The following NCALD variants were observed in gnomAD, a reference collection of about 807,000 sequenced individuals.
NCALD encodes neurocalcin delta, also known as neurocalcin-delta.
NCALD carries 10 observed loss-of-function variants against 18.6 expected under a neutral mutation model. That is an observed-to-expected ratio of 0.54 (90% CI 0.33 to 0.91). The LOEUF is 0.91. NCALD is among the 40% of genes least tolerant of loss of function. The pLI, the probability that NCALD is intolerant of heterozygous loss-of-function variation, is 0.03. For synonymous variants in NCALD, 88 were observed against 87.4 expected (o/e 1.01, Z -0.04); for missense variants, 184 against 247.6 (o/e 0.74, Z 1.72).
At chr8:101,841,915 C>T (rs112672459) in intron 4 of NCALD, among the ~76,000 whole-genome samples, 9 of 152,174 alleles carry the variant, frequency 5.9e-5, no homozygotes, top group East Asian at 3.9e-4. Flanking sequence ...AGAAAGAATA[C>T]GGGGGAAATG....
chr8:101,986,407 G>C (rs1820814134), intron 2 of NCALD: 1 of 152,194 alleles, frequency 6.6e-6, no homozygotes, highest in South Asian at 2.1e-4. Context: ...ACATGCCTTG[G>C]CTATTCCCAC....
chr8:101,787,750 C>T (rs1812285304), intron 1 of NCALD, among the ~76,000 whole-genome samples: 1 of 152,198 alleles, frequency 6.6e-6, no homozygotes, highest in South Asian at 2.1e-4. Context: ...TAATTTCAAA[C>T]ATGCCTCATC....
chr8:101,715,082 C>T (rs914354928), intron 2 of NCALD, among the ~76,000 whole-genome samples: 13 of 151,730 alleles, frequency 8.6e-5, no homozygotes, highest in African/African-American at 2.4e-4. Flanking sequence ...GTAACCAAAA[C>T]GGCATGGTAC....
At chr8:101,937,345 C>G (rs1253497528) in intron 2 of NCALD, among the ~76,000 whole-genome samples, 1 of 152,166 alleles carries the variant, frequency 6.6e-6, no homozygotes, top group East Asian at 1.9e-4. Flanking sequence ...TCCTCCCACC[C>G]TCCACCCTCA....
At chr8:101,697,476 G>C (rs940250355) in intron 2 of NCALD, among the ~76,000 whole-genome samples, 12 of 152,066 alleles carry the variant, frequency 7.9e-5, no homozygotes, top group Non-Finnish European at 1.5e-4. Flanking sequence ...ACCAATGCCT[G>C]GCAGAGACAC....
intron 4 of NCALD, among the ~76,000 whole-genome samples, chr8:101,821,773 ATACGT>A (rs1813725430): frequency 6.6e-6 from 1 of 151,136 alleles, no homozygotes; most frequent in Non-Finnish European, 1.5e-5. Flanking sequence ...CCACTGGAGT[ATACGT>A]TGTTTCTTTG....
chr8:101,938,106 A>C (rs13272417), intron 2 of NCALD, among the ~76,000 whole-genome samples: 17,555 of 152,216 alleles, frequency 0.12, 1,095 homozygotes, highest in Middle Eastern at 0.19. Context: ...CTTTCCAAAA[A>C]TTCCGATAAA....
At chr8:101,822,633 C>T (rs1813767944) in intron 4 of NCALD, among the ~76,000 whole-genome samples, 1 of 152,200 alleles carries the variant, frequency 6.6e-6, no homozygotes, top group Non-Finnish European at 1.5e-5. Context: ...GTTCTGGGCT[C>T]CTGTGGTGCT....
At chr8:102,040,910 CGA>C (rs1420458157) in intron 1 of NCALD, among the ~76,000 whole-genome samples, 2 of 152,080 alleles carry the variant, frequency 1.3e-5, no homozygotes, top group Admixed American at 1.3e-4. Context: ...GTCTGATGGG[CGA>C]GTTTTGGTTT....
At chr8:101,691,667 A>G (rs1043631241) in intron 3 of NCALD, 1 of 985,396 alleles carries the variant, frequency 1.0e-6, no homozygotes. Flanking sequence ...GGGACATAGG[A>G]TGTTTCCAAA....
intron 2 of NCALD, among the ~76,000 whole-genome samples, chr8:102,003,696 C>A (rs1821578473): frequency 1.3e-5 from 2 of 152,356 alleles, no homozygotes; most frequent in Middle Eastern, 3.4e-3. Context: ...AAGTGGGCTT[C>A]ATCCCTGGGA....
chr8:101,826,039 A>G (rs1341303321), intron 4 of NCALD, among the ~76,000 whole-genome samples: 3 of 152,170 alleles, frequency 2.0e-5, no homozygotes, highest in Non-Finnish European at 2.9e-5. Context: ...GTTCATTGAA[A>G]ATATTTAGAG....
chr8:101,812,481 T>A (rs1586561380), intron 4 of NCALD, among the ~76,000 whole-genome samples: 1 of 152,162 alleles, frequency 6.6e-6, no homozygotes, highest in East Asian at 1.9e-4. Flanking sequence ...TAAAAAAAAA[T>A]TTCCAGAACA....
intron 1 of NCALD, among the ~76,000 whole-genome samples, chr8:102,046,135 C>T (rs924004176): frequency 3.3e-5 from 5 of 152,106 alleles, no homozygotes; most frequent in African/African-American, 1.2e-4. Context: ...CTGGATGTGG[C>T]CTGAAATTGC....
intron 4 of NCALD, among the ~76,000 whole-genome samples, chr8:101,812,103 C>G (rs1813326490): frequency 6.6e-6 from 1 of 152,156 alleles, no homozygotes. Context: ...TTTCCATACT[C>G]TTATCTGTGG....
At chr8:101,971,756 G>T (rs1820249273) in intron 2 of NCALD, among the ~76,000 whole-genome samples, 1 of 152,130 alleles carries the variant, frequency 6.6e-6, no homozygotes, top group East Asian at 1.9e-4. Flanking sequence ...CATGCCTTCT[G>T]TTGATGGCTG....
At chr8:101,781,171 T>C (rs1563762906) in intron 1 of NCALD, among the ~76,000 whole-genome samples, 1 of 113,186 alleles carries the variant, frequency 8.8e-6, no homozygotes, top group South Asian at 3.2e-4. Context: ...AAATATATTC[T>C]GAATATACCA....
intron 2 of NCALD, among the ~76,000 whole-genome samples, chr8:101,966,726 AATCT>A (rs1182840906): frequency 6.6e-6 from 1 of 152,164 alleles, no homozygotes; most frequent in African/African-American, 2.4e-5. Context: ...CTTGCTCTCC[AATCT>A]AAAACTTTCA....
intron 2 of NCALD, among the ~76,000 whole-genome samples, chr8:101,940,637 G>A (rs1172267297): frequency 1.3e-5 from 2 of 152,178 alleles, no homozygotes; most frequent in Non-Finnish European, 2.9e-5. Flanking sequence ...GGCAAACACA[G>A]TACAATGAAC....
Sources: gnomAD v4.1 joint callset for allele counts (sites outside exome capture counted in the v4.1 genomes callset) on GRCh38, gnomAD v4.1.1 for gene constraint, MANE v1.5 for transcripts, NCBI Gene and HGNC (gene_info 2026-07-23, HGNC 2026-07-21) for gene names.